Variants in SYNPO observed in about 807,000 individuals in gnomAD.
SYNPO encodes synaptopodin.
A neutral mutation model predicts 49.5 loss-of-function variants in SYNPO; 19 were observed. That is an observed-to-expected ratio of 0.38 (90% CI 0.27 to 0.56). The LOEUF is 0.56. Ranked by LOEUF, SYNPO falls within the 20% of genes least tolerant of loss-of-function variation. The pLI, the probability that SYNPO is intolerant of heterozygous loss-of-function variation, is 0.68. For synonymous variants in SYNPO, 536 were observed against 548.0 expected (o/e 0.98, Z 0.31); for missense variants, 1,131 against 1,248.3 (o/e 0.91, Z 1.42).
chr5:150,599,082 G>T (rs11960146), upstream of SYNPO, among the ~76,000 whole-genome samples: 18,463 of 152,258 alleles, frequency 0.12, 2,419 homozygotes, highest in African/African-American at 0.33. Flanking sequence ...GGGCAAGGAG[G>T]CCTGTCAGGG....
chr5:150,631,593 C>T (rs910008046), intron 2 of SYNPO, among the ~76,000 whole-genome samples: 2 of 152,026 alleles, frequency 1.3e-5, no homozygotes, highest in Non-Finnish European at 2.9e-5. Flanking sequence ...CTGGAGCCTG[C>T]GAAGGGGCTT....
intron 1 of SYNPO, among the ~76,000 whole-genome samples, chr5:150,602,687 C>CAT (rs908943443): frequency 6.6e-6 from 1 of 152,062 alleles, no homozygotes; most frequent in African/African-American, 2.4e-5. Flanking sequence ...GTAGCATGAT[C>CAT]ATAACTCTTC....
chr5:150,618,720 C>T (rs375243664), exon 2 of SYNPO: 2 of 1,551,058 alleles, frequency 1.3e-6, no homozygotes, highest in African/African-American at 2.7e-5. Flanking sequence ...CAGATGATGA[C>T]AGCCAGCCCC....
intron 2 of SYNPO, chr5:150,651,296 G>C: frequency 1.0e-6 from 1 of 1,000,962 alleles, no homozygotes; most frequent in Non-Finnish European, 1.2e-6. Flanking sequence ...GGAGGGTTCC[G>C]GTCCCATGTC....
At chr5:150,598,276 G>A (rs1046870132), upstream of SYNPO, among the ~76,000 whole-genome samples, 1 of 152,174 alleles carries the variant, frequency 6.6e-6, no homozygotes, top group Non-Finnish European at 1.5e-5. Flanking sequence ...CTGCTGCAGG[G>A]GGAAAGAAAA....
In SYNPO at chr5:150,618,572, GC is replaced by G; in HGVS notation, c.207del (p.Cys70AlafsTer41). On this transcript the variant is annotated frameshift_variant, in exon 2 of 3. Coordinates refer to the SYNPO transcript ENST00000394243. LOFTEE classifies it high-confidence loss of function. ...GGTCAGCAGGAGTGGGGACGACTCT[GC>G]CTGCAGAGTCACCCAGGGGACACCG... The G allele has an allele frequency of 6.4e-7, 1 of 1,550,692 alleles. No individual in the cohort carries two copies. Among genetic ancestry groups the G allele is most frequent in the Non-Finnish European group, 8.7e-7 (1 of 1,146,342 alleles).
intron 2 of SYNPO, chr5:150,652,491 T>G: frequency 1.2e-6 from 1 of 822,762 alleles, no homozygotes; most frequent in South Asian, 5.5e-5. Context: ...GCCGTGTGTC[T>G]GGTTCTGCAC....
intron 1 of SYNPO, among the ~76,000 whole-genome samples, chr5:150,615,729 A>T (rs1756967076): frequency 6.6e-6 from 1 of 152,224 alleles, no homozygotes; most frequent in African/African-American, 2.4e-5. Context: ...GTGAGAAAGC[A>T]CCTGGAGATG....
intron 2 of SYNPO, 42 bp from the exon 3 acceptor site, chr5:150,656,362 T>G (rs1307379958): frequency 1.4e-6 from 2 of 1,462,586 alleles, no homozygotes; most frequent in African/African-American, 2.9e-5. Context: ...GTGGAAGACC[T>G]CAGCACTAAT....
At chr5:150,608,393 G>A (rs1275635254) in intron 1 of SYNPO, 1 of 152,212 alleles carries the variant, frequency 6.6e-6, no homozygotes. Flanking sequence ...CACATGAAGT[G>A]AAGCTTCCTT....
At chr5:150,602,040 C>T (rs142567754) in intron 1 of SYNPO, among the ~76,000 whole-genome samples, 225 of 152,284 alleles carry the variant, frequency 1.5e-3, no homozygotes, top group African/African-American at 5.1e-3. Context: ...TTATGGCCAT[C>T]GGGGAGACAG....
upstream of SYNPO, chr5:150,640,581 C>T (rs1432998387): frequency 1.6e-5 from 15 of 909,176 alleles, no homozygotes; most frequent in Middle Eastern, 5.5e-4. Flanking sequence ...AATCTGGCAG[C>T]GTGGGGCGGG....
chr5:150,604,833 G>A (rs1581446386), intron 1 of SYNPO, among the ~76,000 whole-genome samples: 1 of 152,322 alleles, frequency 6.6e-6, no homozygotes, highest in African/African-American at 2.4e-5. Flanking sequence ...TAAGGAGGGG[G>A]TGTGATTGTC....
the SYNPO span, among the ~76,000 whole-genome samples, chr5:150,589,940 A>G: frequency 6.6e-6 from 1 of 152,202 alleles, no homozygotes; most frequent in Non-Finnish European, 1.5e-5. Flanking sequence ...CAGTCATGCA[A>G]GGACCCACAT....
At chr5:150,603,206 C>G (rs1756597660) in intron 1 of SYNPO, among the ~76,000 whole-genome samples, 1 of 152,246 alleles carries the variant, frequency 6.6e-6, no homozygotes, top group African/African-American at 2.4e-5. Context: ...TTTGTCCGGC[C>G]TCAGCCTGGC....
At chr5:150,603,787 G>T (rs1756615537) in intron 1 of SYNPO, among the ~76,000 whole-genome samples, 1 of 152,208 alleles carries the variant, frequency 6.6e-6, no homozygotes, top group Non-Finnish European at 1.5e-5. Context: ...TGTGACCCTA[G>T]GCAAGCTCCT....
rs759550968 is a variant in SYNPO at position 150,656,946 on chromosome 5, C to G, written c.2571C>G (p.Asp857Glu). The change falls in exon 3 of 3, where the codon GAC becomes GAG. Residue 857 changes from aspartate to glutamate, a missense_variant. Physicochemically the swap from Asp to Glu is conservative, Grantham distance 45. Transcript: ENST00000307662. ...TCCTCTACCGCCGCTCGCCCACGGA[C>G]TCCGACGTGTCCCTCGACTCCGAGG... ...RPFLYRRSPTDSDVSLDSEDS... is the reference protein window; with the variant it reads ...RPFLYRRSPTESDVSLDSEDS... 4 of 1,584,314 alleles carry G rather than the reference C, an allele frequency of 2.5e-6. No individual in the cohort carries two copies. The South Asian group carries it at 3.5e-5, about 14-fold the overall frequency.
intron 1 of SYNPO, 118 bp from the exon 2 acceptor site, chr5:150,647,826 C>T: frequency 1.1e-6 from 1 of 932,382 alleles, no homozygotes; most frequent in Non-Finnish European, 1.6e-6. Context: ...CGATTAAATT[C>T]CAGAAGAGAT....
chr5:150,605,628 C>T (rs1043097088), intron 1 of SYNPO, among the ~76,000 whole-genome samples: 1 of 152,046 alleles, frequency 6.6e-6, no homozygotes. Flanking sequence ...AGGAAGAAAG[C>T]AAACAGAGTC....
Sources: allele counts gnomAD v4.1 joint callset (sites outside exome capture counted in the v4.1 genomes callset), GRCh38; gene constraint gnomAD v4.1.1; transcripts MANE v1.5; gene names NCBI Gene and HGNC (gene_info 2026-07-23, HGNC 2026-07-21).